Variants in RNF180 observed in about 807,000 individuals in gnomAD.
RNF180 encodes ring finger protein 180.
Under a neutral mutation model 59.2 loss-of-function variants are expected in RNF180, and 38 were observed. The ratio of observed to expected loss-of-function variants is 0.64; its 90% confidence interval spans 0.50 to 0.84. The LOEUF is 0.84. Ranked by LOEUF, RNF180 falls within the 40% of genes least tolerant of loss-of-function variation. The pLI, the probability that RNF180 is intolerant of heterozygous loss-of-function variation, is 0.00. For synonymous variants in RNF180, 262 were observed against 240.3 expected, an observed-to-expected ratio of 1.09 and a Z score of -0.84; for missense variants, 705 against 700.9, an observed-to-expected ratio of 1.01 and a Z score of -0.07.
chr5:64,343,269 C>T (rs1347866040), intron 7 of RNF180, among the ~76,000 whole-genome samples: 27 of 151,680 alleles, frequency 1.8e-4, no homozygotes, highest in Non-Finnish European at 8.8e-5. Context: ...AAAAAACTGC[C>T]AATAGAAAAT....
intron 5 of RNF180, among the ~76,000 whole-genome samples, chr5:64,231,430 ATAAAC>A (rs1281471519): frequency 6.6e-6 from 1 of 152,232 alleles, no homozygotes; most frequent in African/African-American, 2.4e-5. Context: ...GTTATTTTGA[ATAAAC>A]TAAGTATATG....
At chr5:64,330,213 A>T in intron 6 of RNF180, 68 bp from the exon 7 acceptor site, 1 of 1,059,846 alleles carries the variant, frequency 9.4e-7, no homozygotes, top group Non-Finnish European at 1.4e-6. Flanking sequence ...TACAGTATTC[A>T]CTTGTCATTT....
At chr5:64,322,455 T>C (rs1007291251) in intron 5 of RNF180, among the ~76,000 whole-genome samples, 2 of 152,060 alleles carry the variant, frequency 1.3e-5, no homozygotes, top group African/African-American at 4.8e-5. Flanking sequence ...TACCATCTCA[T>C]GCCAGTCAGA....
chr5:64,357,280 T>C (rs1746065325), intron 7 of RNF180, among the ~76,000 whole-genome samples: 1 of 151,842 alleles, frequency 6.6e-6, no homozygotes, highest in South Asian at 2.1e-4. Flanking sequence ...CTATACCTAG[T>C]TGTGACTATA....
chr5:64,211,665 A>G (rs543219435), intron 2 of RNF180, among the ~76,000 whole-genome samples: 1 of 152,182 alleles, frequency 6.6e-6, no homozygotes, highest in South Asian at 2.1e-4. Flanking sequence ...TTGATAGAGA[A>G]TAGAGCAACT....
At chr5:64,215,815 G>A (rs1752591914) in intron 4 of RNF180, among the ~76,000 whole-genome samples, 1 of 152,090 alleles carries the variant, frequency 6.6e-6, no homozygotes. Context: ...TGAAAAAGAA[G>A]TATGAAAATT....
At chr5:64,368,076 G>T (rs62369390) in intron 7 of RNF180, among the ~76,000 whole-genome samples, 43,269 of 151,466 alleles carry the variant, frequency 0.29, 6,391 homozygotes, top group African/African-American at 0.35. Flanking sequence ...TCTCAGAAAT[G>T]TCATATTCAT....
intron 5 of RNF180, among the ~76,000 whole-genome samples, chr5:64,245,234 CATA>C (rs1483839147): frequency 2.0e-5 from 3 of 152,122 alleles, no homozygotes; most frequent in Non-Finnish European, 4.4e-5. Context: ...AACCAGCTAG[CATA>C]ATAACGACAG....
intron 5 of RNF180, among the ~76,000 whole-genome samples, chr5:64,276,392 T>TGTGTG (rs60232668): frequency 6.6e-6 from 1 of 150,730 alleles, no homozygotes; most frequent in African/African-American, 2.4e-5. Flanking sequence ...TGTGTGTGTG[T>TGTGTG]TTATTTATTT....
intron 2 of RNF180, among the ~76,000 whole-genome samples, chr5:64,206,176 G>T (rs2112082477): frequency 6.6e-6 from 1 of 152,242 alleles, no homozygotes; most frequent in Non-Finnish European, 1.5e-5. Flanking sequence ...AGTGTCCATT[G>T]GTTTTAAAAG....
At chr5:64,295,793 T>C (rs1742855758) in intron 5 of RNF180, among the ~76,000 whole-genome samples, 1 of 152,244 alleles carries the variant, frequency 6.6e-6, no homozygotes, top group Non-Finnish European at 1.5e-5. Flanking sequence ...TGTTGAAGTA[T>C]GATTTTCTCC....
At chr5:64,336,332 A>G (rs905311783) in intron 7 of RNF180, among the ~76,000 whole-genome samples, 1 of 152,118 alleles carries the variant, frequency 6.6e-6, no homozygotes, top group African/African-American at 2.4e-5. Flanking sequence ...GCGTACCTCT[A>G]ATCTGTGACT....
In RNF180 at chr5:64,172,364, G is replaced by A. The variant is rs754273661; in HGVS notation, c.-1+6411G>A. On this transcript the variant is annotated intron_variant, in intron 1 of 7. Coordinates refer to ENST00000389100, the MANE Select transcript of RNF180 (RefSeq NM_001113561.2). ...TACCCTTTTTCATTCTACAAAGGCT[G>A]CCTCATGTCTCCCCCCACCCCCCAC... Among the ~76,000 whole-genome samples the A allele has an allele frequency of 7.1e-4, 108 of 152,066 alleles. 1 individual carries two copies. Among genetic ancestry groups the A allele is most frequent in the Non-Finnish European group, 1.4e-3 (94 of 68,014 alleles).
At chr5:64,304,471 T>G (rs772234824) in intron 5 of RNF180, among the ~76,000 whole-genome samples, 6 of 151,490 alleles carry the variant, frequency 4.0e-5, no homozygotes, top group African/African-American at 9.7e-5. Flanking sequence ...AACAGGAGTT[T>G]GAGAAAAGTT....
rs907723544 is a variant in RNF180, at chr5:64,251,852, G to GA, written c.1227+34463dup. Among the ~76,000 whole-genome samples, 10 of 151,934 alleles carry GA rather than the reference G, an allele frequency of 6.6e-5. No homozygotes were observed. The East Asian group carries it at 9.7e-4, about 15-fold the overall frequency. Reference sequence around the variant, plus strand: ...AACAGCCCCATTTACACTTGCTACAGAAAAAAATACCTAGAAATAAGTTGA... The same window carrying GA: ...AACAGCCCCATTTACACTTGCTACAGAAAAAAAATACCTAGAAATAAGTTGA... On this transcript the variant is annotated intron_variant, in intron 5 of 7. Transcript: ENST00000389100.
intron 5 of RNF180, among the ~76,000 whole-genome samples, chr5:64,242,242 C>T (rs1742853547): frequency 6.6e-6 from 1 of 152,226 alleles, no homozygotes; most frequent in African/African-American, 2.4e-5. Context: ...CTACATCTGC[C>T]ACAGAGCTTT....
intron 5 of RNF180, among the ~76,000 whole-genome samples, chr5:64,261,581 GA>G (rs1029582431): frequency 6.6e-6 from 1 of 151,848 alleles, no homozygotes. Context: ...ATTTATTTTT[GA>G]AAAAAATATC....
chr5:64,273,474 A>C (rs142746719), intron 5 of RNF180, among the ~76,000 whole-genome samples: 1 of 152,178 alleles, frequency 6.6e-6, no homozygotes, highest in South Asian at 2.1e-4. Context: ...AGGAACTCCA[A>C]CTTTATGGAA....
intron 5 of RNF180, among the ~76,000 whole-genome samples, chr5:64,277,436 G>A (rs1243011586): frequency 6.6e-6 from 1 of 152,060 alleles, no homozygotes; most frequent in Non-Finnish European, 1.5e-5. Context: ...TGTACTTATG[G>A]GCACACATGC....
Sources: gnomAD v4.1 joint callset for allele counts (sites outside exome capture counted in the v4.1 genomes callset) on GRCh38, gnomAD v4.1.1 for gene constraint, MANE v1.5 for transcripts, NCBI Gene and HGNC (gene_info 2026-07-23, HGNC 2026-07-21) for gene names.